SERPINC1: variants seen among roughly 807,000 people sequenced by gnomAD.
The protein encoded by SERPINC1 is antithrombin-III.
Under a neutral mutation model 43.4 loss-of-function variants are expected in SERPINC1, and 12 were observed. The ratio of observed to expected loss-of-function variants is 0.28; its 90% CI spans 0.18 to 0.45. The LOEUF (loss-of-function observed/expected upper bound fraction) is 0.45, where lower values mean the gene tolerates loss of function less well. Ranked by LOEUF, SERPINC1 falls within the 20% of genes least tolerant of loss-of-function variation. The pLI is 1.00. For missense variants in SERPINC1, 423 were observed against 578.8 expected, an observed-to-expected ratio of 0.73 and a Z score of 2.76; for synonymous variants, 210 against 218.9, an observed-to-expected ratio of 0.96 and a Z score of 0.36.
In SERPINC1 at chr1:173,910,785, A is replaced by T. The variant is rs769820027; in HGVS notation, c.731T>A (p.Val244Asp). 23 of 1,614,150 alleles carry T rather than the reference A, an allele frequency of 1.4e-5. No homozygotes were observed. In the South Asian group the frequency reaches 2.0e-4, roughly 14 times the overall value. The change falls in exon 4 of 7, where the codon GTT becomes GAT. Residue 244 changes from valine (V) to aspartate (D), a missense_variant. Physicochemically the swap from Val to Asp is radical, Grantham distance 152 (BLOSUM62 -3). Coordinates refer to ENST00000367698, the MANE Select transcript of SERPINC1 (RefSeq NM_000488.4). The stretch of plus-strand genomic sequence containing the variant: ...GTAAATGGTGTTAACCAGCACCAGA[A>T]CAGTGAGCTCATTGATGGCTTCCGA... Reference protein sequence around the residue: ...IPSEAINELTVLVLVNTIYFK... With the variant: ...IPSEAINELTDLVLVNTIYFK...
Position 173,903,930 on chromosome 1 carries a change from T to C in SERPINC1, c.1354A>G (p.Ile452Val). ...TTGGCTACTCTGCCCATGAAGATAA[T>C]AGTGTTCAGAGGAACTTCTCTTATA... ...VFIREVPLNTIIFMGRVANPC... is the reference protein window; with the variant it reads ...VFIREVPLNTVIFMGRVANPC... The change falls in exon 7 of 7, where the codon ATT becomes GTT. Residue 452 changes from isoleucine (I) to valine (V), a missense_variant. Physicochemically the swap from Ile to Val is conservative, Grantham distance 29 (BLOSUM62 3). Coordinates refer to ENST00000367698, the MANE Select transcript of SERPINC1 (RefSeq NM_000488.4). 1 of 1,614,162 alleles carries C rather than the reference T, an allele frequency of 6.2e-7. No individual in the cohort carries two copies. Among genetic ancestry groups the C allele is most frequent in the Non-Finnish European group, 8.5e-7 (1 of 1,179,992 alleles).
rs984788625 is a variant in SERPINC1 at position 173,911,966 on chromosome 1, A to G, written c.457T>C (p.Phe153Leu). The G allele has an allele frequency of 6.2e-7, 1 of 1,614,170 alleles. No individual in the cohort carries two copies. The highest frequency in any genetic ancestry group is 8.5e-7 in the Non-Finnish European group (1 of 1,180,026). Reference sequence around the variant, plus strand: ...CGGCAGTTCAGTTTGGCAAAGAAGAAGTGGATCTGATCAGATGTTTTCTCA... The same window carrying G: ...CGGCAGTTCAGTTTGGCAAAGAAGAGGTGGATCTGATCAGATGTTTTCTCA... ...ISEKTSDQIH[F>L]FFAKLNCRLY... The change falls in exon 3 of 7, where the codon TTC becomes CTC. Residue 153 changes from phenylalanine to leucine, a missense_variant. By Grantham distance (22) the Phe-to-Leu change is conservative (BLOSUM62 0). Coordinates refer to ENST00000367698, the MANE Select transcript of SERPINC1 (RefSeq NM_000488.4).
At position 173,909,864 on chromosome 1, in the gene SERPINC1, C is replaced by T; in HGVS notation, c.841G>A (p.Ala281Thr). The T allele has an allele frequency of 6.2e-7, 1 of 1,614,086 alleles. No individual in the cohort carries two copies. Among genetic ancestry groups the T allele is most frequent in the Non-Finnish European group, 8.5e-7 (1 of 1,179,932 alleles). ...FYKADGESCS[A>T]SMMYQEGKFR... ...TTGCCTTCCTGGTACATCATAGATG[C>T]TGAACACGACTCTCCATCAGCCTTG... The change falls in exon 5 of 7, where the codon GCA becomes ACA. Residue 281 changes from alanine (A) to threonine (T), a missense_variant. Transcript: ENST00000367698.
intron 6 of SERPINC1, 86 bp from the exon 7 acceptor site, chr1:173,904,151 C>G (rs1657384643): frequency 7.8e-7 from 1 of 1,282,044 alleles, no homozygotes; most frequent in Non-Finnish European, 1.1e-6. Flanking sequence ...ACAGCAATTC[C>G]TCAAATGCTT....
intron 2 of SERPINC1, among the ~76,000 whole-genome samples, 185 bp from the exon 3 acceptor site, chr1:173,912,199 A>G (rs1657799125): frequency 6.6e-6 from 1 of 152,134 alleles, no homozygotes; most frequent in Non-Finnish European, 1.5e-5. Flanking sequence ...TAAAAGAAGA[A>G]TGAAGGGTAG....
rs779331710 is a variant in SERPINC1, at chr1:173,909,535, C to G, written c.1153+17G>C. The G allele has an allele frequency of 6.2e-7, 1 of 1,612,936 alleles. No individual in the cohort carries two copies. The highest frequency in any genetic ancestry group is 1.1e-5 in the South Asian group (1 of 91,080). ...CCTTGCGGGTGGAGAAGGGAGGAAA[C>G]TCCTTCCTAGACAAACCTGGGAGTT... is the stretch of plus-strand genomic sequence containing the variant. On this transcript the variant is annotated intron_variant, in intron 5 of 6. Transcript: ENST00000367698.
At position 173,911,834 on chromosome 1, in the gene SERPINC1, C is replaced by G. The variant is rs771347278; in HGVS notation, c.589G>C (p.Val197Leu). ...AGGGGCTGGAGCTTGGCTCCATATACCAACTCACTGATGTCCTGGTAGGTC... is the reference window on the plus strand; with the variant it reads ...AGGGGCTGGAGCTTGGCTCCATATAGCAACTCACTGATGTCCTGGTAGGTC... ...NETYQDISEL[V>L]YGAKLQPLDF... The change falls in exon 3 of 7, where the codon GTA (valine) becomes CTA (leucine). Residue 197 changes from valine to leucine, a missense_variant. Coordinates refer to ENST00000367698, the MANE Select transcript of SERPINC1 (RefSeq NM_000488.4). The G allele has an allele frequency of 6.2e-7, 1 of 1,614,170 alleles. No individual in the cohort carries two copies. Among genetic ancestry groups the G allele is most frequent in the Admixed American group, 1.7e-5 (1 of 60,012 alleles).
chr1:173,905,322 G>A lies in SERPINC1; in HGVS notation c.1219-1257C>T, dbSNP rs190231900. Among the ~76,000 whole-genome samples, 695 of 152,260 alleles carry A rather than the reference G, an allele frequency of 4.6e-3. 6 individuals are homozygous for A. The highest frequency in any genetic ancestry group is 0.014 in the African/African-American group (575 of 41,546). ...CCTCTACTCTTGCTATTGTCTTAAA[G>A]GTCATTGACATTCATTGTCCTATAG... On this transcript the variant is annotated intron_variant, in intron 6 of 6. Transcript: ENST00000367698.
intron 6 of SERPINC1, among the ~76,000 whole-genome samples, chr1:173,906,853 C>T (rs1185829267): frequency 1.3e-5 from 2 of 152,156 alleles, no homozygotes; most frequent in South Asian, 2.1e-4. Context: ...TGCAGTGGCT[C>T]ATGCCTGTAA....
chr1:173,908,111 C>T (rs989815156), intron 5 of SERPINC1, among the ~76,000 whole-genome samples: 1 of 151,860 alleles, frequency 6.6e-6, no homozygotes, highest in African/African-American at 2.4e-5. Context: ...AACGGCAAGA[C>T]TCTGTTCTTA....
chr1:173,917,009 G>A (rs1658018723), intron 1 of SERPINC1, among the ~76,000 whole-genome samples: 1 of 152,158 alleles, frequency 6.6e-6, no homozygotes, highest in Non-Finnish European at 1.5e-5. Context: ...TTAGGCTAGG[G>A]ACCCAAGGGG....
chr1:173,912,082 A>T (rs1657795994), intron 2 of SERPINC1, 68 bp from the exon 3 acceptor site: 1 of 1,133,494 alleles, frequency 8.8e-7, no homozygotes, highest in Non-Finnish European at 1.3e-6. Context: ...TGGTGAGCAC[A>T]TGCTGGTCAG....
chr1:173,905,033 G>A (rs756330541), intron 6 of SERPINC1, among the ~76,000 whole-genome samples: 3 of 152,124 alleles, frequency 2.0e-5, no homozygotes, highest in Non-Finnish European at 4.4e-5. Flanking sequence ...GGGCTCAGGT[G>A]GATAAAATGA....
rs1657688850 is a variant in SERPINC1 at position 173,909,816 on chromosome 1, C to T, written c.889G>A (p.Glu297Lys). ...EGKFRYRRVA[E>K]GTQVLELPFK... ...GGCAACTCAAGCACCTGGGTGCCTT[C>T]AGCCACGCGCCGATAACGGAACTTG... is the stretch of plus-strand genomic sequence containing the variant. Residue 297 changes from glutamate (E) to lysine (K), a missense_variant, in exon 5 of 7, where the codon GAA becomes AAA. Coordinates refer to ENST00000367698, the MANE Select transcript of SERPINC1 (RefSeq NM_000488.4). The T allele has an allele frequency of 6.2e-7, 1 of 1,614,054 alleles. No homozygotes were observed. Among genetic ancestry groups the T allele is most frequent in the Non-Finnish European group, 8.5e-7 (1 of 1,179,972 alleles).
At chr1:173,913,239 C>T (rs942291303) in intron 2 of SERPINC1, among the ~76,000 whole-genome samples, 38 of 152,176 alleles carry the variant, frequency 2.5e-4, no homozygotes, top group Admixed American at 2.0e-3. Context: ...GCAGCCAAGC[C>T]AAGGACAGAT....
At chr1:173,916,365 C>A (rs961644652) in intron 1 of SERPINC1, among the ~76,000 whole-genome samples, 6 of 152,186 alleles carry the variant, frequency 3.9e-5, no homozygotes, top group Non-Finnish European at 5.9e-5. Context: ...GTTGGGCAAG[C>A]CTGGGGCTGG....
At chr1:173,907,600 T>A in intron 5 of SERPINC1, 86 bp from the exon 6 acceptor site, 1 of 913,986 alleles carries the variant, frequency 1.1e-6, no homozygotes, top group Non-Finnish European at 1.9e-6. Flanking sequence ...GATTAAGAGA[T>A]CCTTTGGGGC....
intron 4 of SERPINC1, 59 bp downstream of exon 4, chr1:173,910,695 G>T (rs576111418): frequency 1.9e-6 from 3 of 1,574,464 alleles, no homozygotes; most frequent in Non-Finnish European, 2.6e-6. Context: ...AAAAAAAAAG[G>T]GGGTAAGCTG....
intron 2 of SERPINC1, among the ~76,000 whole-genome samples, chr1:173,913,946 C>T (rs1572091466): frequency 1.3e-5 from 2 of 151,798 alleles, no homozygotes; most frequent in Admixed American, 6.6e-5. Context: ...GGCGTGATGG[C>T]GTGTGCCTGT....
Sources: gnomAD v4.1 joint callset for allele counts (sites outside exome capture counted in the v4.1 genomes callset) on GRCh38, gnomAD v4.1.1 for gene constraint, MANE v1.5 for transcripts, NCBI Gene and HGNC (gene_info 2026-07-23, HGNC 2026-07-21) for gene names.